The following PTPN3 variants were observed in gnomAD, a reference collection of about 807,000 sequenced individuals.
PTPN3 encodes the protein protein tyrosine phosphatase non-receptor type 3, also known as tyrosine-protein phosphatase non-receptor type 3.
PTPN3 carries 96 observed loss-of-function variants against 132.7 expected under a neutral mutation model. The ratio of observed to expected loss-of-function variants is 0.72; its 90% CI spans 0.61 to 0.86. The LOEUF (loss-of-function observed/expected upper bound fraction) is 0.86, where lower values mean the gene tolerates loss of function less well. Ranked by LOEUF, PTPN3 falls within the 40% of genes least tolerant of loss-of-function variation. PTPN3 has a pLI of 0.00. For missense variants in PTPN3, 1,125 were observed against 1,159.6 expected, an observed-to-expected ratio of 0.97 and a Z score of 0.43; for synonymous variants, 398 against 429.0, an observed-to-expected ratio of 0.93 and a Z score of 0.89.
At chr9:109,489,947 C>T (rs920776138) in intron 1 of PTPN3, among the ~76,000 whole-genome samples, 8 of 151,852 alleles carry the variant, frequency 5.3e-5, no homozygotes, top group Non-Finnish European at 2.9e-5. Flanking sequence ...TTTGGGAGGC[C>T]GAGGTAGGTG....
At position 109,469,543 on chromosome 9, in the gene PTPN3, C is replaced by T. The variant is rs10979883; in HGVS notation, c.-17-6092G>A. Among the ~76,000 whole-genome samples the T allele has an allele frequency of 4.1e-3, 624 of 152,260 alleles. 21 individuals are homozygous for T. In the East Asian group the frequency reaches 0.098, roughly 24 times the overall value. ...CTGAGTCAGGAAAATCGCTCGAACC[C>T]GGGAAGCAGAGATTGCAATGAGCCA... On this transcript the variant is annotated intron_variant, in intron 1 of 25. Coordinates refer to ENST00000374541, the MANE Select transcript of PTPN3 (RefSeq NM_002829.4).
At chr9:109,503,811 G>A in the PTPN3 span, among the ~76,000 whole-genome samples, 1 of 152,170 alleles carries the variant, frequency 6.6e-6, no homozygotes, top group Admixed American at 6.5e-5. Context: ...GTGATGAAGG[G>A]ATTGTTGTCA....
At chr9:109,520,520 T>C in the PTPN3 span, among the ~76,000 whole-genome samples, 7 of 152,232 alleles carry the variant, frequency 4.6e-5, no homozygotes, top group Non-Finnish European at 7.3e-5. Flanking sequence ...TAGCGGAACA[T>C]GCTTGCTGTG....
At chr9:109,420,293 C>G in intron 14 of PTPN3, 131 bp downstream of exon 14, 1 of 916,930 alleles carries the variant, frequency 1.1e-6, no homozygotes, top group Non-Finnish European at 1.6e-6. Context: ...CTTATCCTGG[C>G]AGAAGGCACC....
chr9:109,406,637 C>T lies in PTPN3; in HGVS notation c.1636-19G>A, dbSNP rs369815712. 232 of 1,612,940 alleles carry T rather than the reference C, an allele frequency of 1.4e-4. No individual in the cohort carries two copies. Among genetic ancestry groups the T allele is most frequent in the Non-Finnish European group, 1.9e-4 (225 of 1,179,158 alleles). On this transcript the variant is annotated intron_variant, in intron 17 of 25. Transcript: ENST00000374541. ...TGTCCGCCTGGGTGGTGGGGAAAAG[C>T]GAGTTTCTCCTGTTACCATAACACA...
At position 109,427,159 on chromosome 9, in the gene PTPN3, A is replaced by G. The variant is rs554238754; in HGVS notation, c.829-37T>C. The G allele has an allele frequency of 7.2e-5, 116 of 1,603,208 alleles. 2 individuals carry two copies. In the Admixed American group the frequency reaches 1.5e-3, roughly 21 times the overall value. ...AACAGTCAAGATTTCACCCACACAG[A>G]CATAGGAGCAGGGACTTGTAAGCAT... On this transcript the variant is annotated intron_variant, in intron 11 of 25. Transcript: ENST00000374541.
chr9:109,487,105 A>G (rs1352552608), intron 1 of PTPN3, among the ~76,000 whole-genome samples: 2 of 152,176 alleles, frequency 1.3e-5, no homozygotes, highest in Non-Finnish European at 2.9e-5. Flanking sequence ...CAGACCTGTG[A>G]GCCCCTGCTG....
rs1334172082 is a variant in PTPN3 at position 109,376,016 on chromosome 9, C to A, written c.*3540G>T. ...AGAACCAGAAGGTGGCCATCCTTGTCTTTGCATTCAACAGCGCCAAAGTCT... is the reference window on the plus strand; with the variant it reads ...AGAACCAGAAGGTGGCCATCCTTGTATTTGCATTCAACAGCGCCAAAGTCT... On this transcript the variant is annotated 3_prime_UTR_variant, in exon 26 of 26. Coordinates refer to ENST00000374541, the MANE Select transcript of PTPN3 (RefSeq NM_002829.4). The A allele has an allele frequency of 6.6e-6, 1 of 152,212 alleles. No homozygotes were observed. Among genetic ancestry groups the A allele is most frequent in the African/African-American group, 2.4e-5 (1 of 41,442 alleles). The allele number at this position is 152,212 out of a possible 1,614,324, so 9.4% of individuals were successfully genotyped here. A position where few individuals can be genotyped will look rare whatever the true frequency, so the allele number is the denominator to read the frequency against.
chr9:109,444,684 A>C (rs1564448293), intron 7 of PTPN3, among the ~76,000 whole-genome samples: 1 of 152,222 alleles, frequency 6.6e-6, no homozygotes, highest in African/African-American at 2.4e-5. Flanking sequence ...TAAGTTACAT[A>C]TATGATTCAC....
intron 19 of PTPN3, among the ~76,000 whole-genome samples, chr9:109,395,505 G>A (rs1404414757): frequency 2.0e-5 from 3 of 152,094 alleles, no homozygotes; most frequent in Non-Finnish European, 4.4e-5. Context: ...GTTGGTTTTC[G>A]GCTGGGCACA....
At chr9:109,391,949 C>T (rs1840158247) in intron 19 of PTPN3, among the ~76,000 whole-genome samples, 5 of 148,618 alleles carry the variant, frequency 3.4e-5, no homozygotes, top group Non-Finnish European at 1.5e-5. Context: ...CCCTTCAGTT[C>T]AATGTAGTGA....
At chr9:109,472,870 T>C (rs1846449574) in intron 1 of PTPN3, among the ~76,000 whole-genome samples, 1 of 152,250 alleles carries the variant, frequency 6.6e-6, no homozygotes, top group Non-Finnish European at 1.5e-5. Context: ...CAGGGAGGAA[T>C]ACCTCATATG....
intron 1 of PTPN3, among the ~76,000 whole-genome samples, chr9:109,481,165 T>C (rs1436470645): frequency 6.6e-6 from 1 of 152,178 alleles, no homozygotes; most frequent in Admixed American, 6.5e-5. Context: ...GAAAGCCCAA[T>C]GTACCCTTGC....
chr9:109,497,970 C>G (rs1847752757), intron 1 of PTPN3, among the ~76,000 whole-genome samples: 1 of 146,338 alleles, frequency 6.8e-6, no homozygotes. Flanking sequence ...CCAGCCCGCC[C>G]CGGCCGAGCC....
At chr9:109,429,737 A>T (rs1303124602) in intron 10 of PTPN3, among the ~76,000 whole-genome samples, 1 of 151,366 alleles carries the variant, frequency 6.6e-6, no homozygotes, top group Non-Finnish European at 1.5e-5. Context: ...GTGGTCTTGG[A>T]ACCAATCCCC....
At chr9:109,495,874 C>G (rs918049637) in intron 1 of PTPN3, among the ~76,000 whole-genome samples, 1 of 152,198 alleles carries the variant, frequency 6.6e-6, no homozygotes, top group Admixed American at 6.5e-5. Context: ...GGCTTTTTCT[C>G]CTGCTCCAAG....
intron 1 of PTPN3, among the ~76,000 whole-genome samples, chr9:109,488,614 T>C (rs956892662): frequency 1.3e-5 from 2 of 152,098 alleles, no homozygotes; most frequent in South Asian, 2.1e-4. Context: ...TCCCAGAAAA[T>C]AGCTCCATTA....
At chr9:109,533,165 T>G in the PTPN3 span, among the ~76,000 whole-genome samples, 2 of 88,184 alleles carry the variant, frequency 2.3e-5, no homozygotes, top group Non-Finnish European at 4.1e-5. Flanking sequence ...TGAGACGGAG[T>G]CTCGCTCTGT....
At position 109,378,058 on chromosome 9, in the gene PTPN3, G is replaced by A. The variant is rs1838719945; in HGVS notation, c.*1498C>T. 1 of 152,144 alleles carries A rather than the reference G, an allele frequency of 6.6e-6. No homozygotes were observed. The highest frequency in any genetic ancestry group is 1.5e-5 in the Non-Finnish European group (1 of 68,032). The allele number at this position is 152,144 out of a possible 1,614,324, so 9.4% of individuals were successfully genotyped here. On this transcript the variant is annotated 3_prime_UTR_variant, in exon 26 of 26. Transcript: ENST00000374541. ...CTAGAGATAAAGAATCTCCCATATA[G>A]GTCTTCATCCGTCTTGCTACCAGCA...
Sources: gnomAD v4.1 joint callset for allele counts (sites outside exome capture counted in the v4.1 genomes callset) on GRCh38, gnomAD v4.1.1 for gene constraint, MANE v1.5 for transcripts, NCBI Gene and HGNC (gene_info 2026-07-23, HGNC 2026-07-21) for gene names.